The following THSD4 variants were observed in gnomAD, a reference collection of about 807,000 sequenced individuals.
THSD4 encodes thrombospondin type-1 domain-containing protein 4.
THSD4 carries 69 observed loss-of-function variants against 119.0 expected under a neutral mutation model. That is an observed-to-expected ratio of 0.58 (90% CI 0.48 to 0.71). THSD4 has a LOEUF of 0.71. THSD4 is among the 30% of genes least tolerant of loss of function. The probability of loss-of-function intolerance (pLI) is 0.00; values close to 1 mark genes in which losing one functional copy is unlikely to be tolerated. For missense variants in THSD4, 1,393 were observed against 1,391.1 expected (o/e 1.00, Z -0.02); for synonymous variants, 524 against 540.4 (o/e 0.97, Z 0.42).
intron 16 of THSD4, among the ~76,000 whole-genome samples, chr15:71,765,998 T>C (rs2053711430): frequency 6.6e-6 from 1 of 152,192 alleles, no homozygotes; most frequent in South Asian, 2.1e-4. Flanking sequence ...TTCTTTTTCC[T>C]ACTTTTATCT....
In THSD4 at chr15:71,642,984, G is replaced by A. The variant is rs560249431; in HGVS notation, c.1153-17546G>A. Among the ~76,000 whole-genome samples the A allele has an allele frequency of 1.7e-4, 26 of 152,206 alleles. 1 individual carries two copies. In the East Asian group the frequency reaches 5.0e-3, roughly 29 times the overall value. ...AAAAATAAAAAAGAGTCTAGGTTCT[G>A]GGACTGGAATGCCTGGGTTACATTC... On this transcript the variant is annotated intron_variant, in intron 7 of 17. Coordinates refer to ENST00000261862, the MANE Select transcript of THSD4 (RefSeq NM_024817.3).
At chr15:71,762,484 A>T (rs1407617822) in intron 15 of THSD4, among the ~76,000 whole-genome samples, 2 of 152,222 alleles carry the variant, frequency 1.3e-5, no homozygotes, top group African/African-American at 2.4e-5. Context: ...GACCTGGGAA[A>T]GTGCAACGTC....
chr15:71,600,486 C>G (rs4286066), intron 7 of THSD4, among the ~76,000 whole-genome samples: 18,607 of 152,184 alleles, frequency 0.12, 1,288 homozygotes, highest in African/African-American at 0.19. Context: ...TGGTATAATG[C>G]CTTACACATA....
At chr15:71,168,626 T>C (rs1410532245) in intron 3 of THSD4, among the ~76,000 whole-genome samples, 1 of 152,162 alleles carries the variant, frequency 6.6e-6, no homozygotes. Context: ...GGTAAAATAT[T>C]TGTGTTGCTA....
At chr15:71,487,929 T>C (rs1171201366) in intron 7 of THSD4, among the ~76,000 whole-genome samples, 1 of 152,176 alleles carries the variant, frequency 6.6e-6, no homozygotes. Flanking sequence ...CTTTGGGTGT[T>C]TGATGTATGT....
chr15:71,376,069 C>T (rs992811237), intron 6 of THSD4, among the ~76,000 whole-genome samples: 1 of 152,124 alleles, frequency 6.6e-6, no homozygotes, highest in Non-Finnish European at 1.5e-5. Context: ...TGATTAATGG[C>T]GAGAGTTCTT....
At chr15:71,394,817 C>T (rs748000536) in intron 6 of THSD4, among the ~76,000 whole-genome samples, 3 of 152,142 alleles carry the variant, frequency 2.0e-5, no homozygotes, top group Non-Finnish European at 4.4e-5. Flanking sequence ...GGCGTTTATA[C>T]AGTTGCTTGC....
intron 7 of THSD4, among the ~76,000 whole-genome samples, chr15:71,438,042 A>G (rs572754600): frequency 2.5e-4 from 38 of 152,104 alleles, no homozygotes; most frequent in Non-Finnish European, 4.9e-4. Flanking sequence ...TTAAGGAGGC[A>G]TTTACTAAGT....
chr15:71,561,863 A>AAC (rs71154780), intron 7 of THSD4, among the ~76,000 whole-genome samples: 1,873 of 130,338 alleles, frequency 0.014, 15 homozygotes, highest in African/African-American at 0.018. Context: ...TTTTAAAATA[A>AAC]ACACACACAC....
At chr15:71,481,693 A>AAAAAG (rs10624716) in intron 7 of THSD4, among the ~76,000 whole-genome samples, 2 of 152,092 alleles carry the variant, frequency 1.3e-5, no homozygotes, top group Non-Finnish European at 2.9e-5. Context: ...AATAAGAAAA[A>AAAAAG]GAAGGACAAG....
At chr15:71,694,419 T>C (rs1169755618) in intron 8 of THSD4, among the ~76,000 whole-genome samples, 1 of 152,252 alleles carries the variant, frequency 6.6e-6, no homozygotes, top group Non-Finnish European at 1.5e-5. Context: ...TGGGTCAACA[T>C]ATTTTCTTTT....
chr15:71,143,600 C>T (rs1411311411), intron 2 of THSD4, among the ~76,000 whole-genome samples: 30 of 152,054 alleles, frequency 2.0e-4, no homozygotes, highest in Admixed American at 2.0e-3. Context: ...AAAAATGTGG[C>T]CACCCAGGCT....
chr15:71,437,640 C>G (rs12902105), intron 7 of THSD4, among the ~76,000 whole-genome samples: 52,825 of 152,090 alleles, frequency 0.35, 9,343 homozygotes, highest in Middle Eastern at 0.47. Context: ...GCTATATTTT[C>G]GGGTATTGGT....
At chr15:71,444,106 C>G (rs907311457) in intron 7 of THSD4, among the ~76,000 whole-genome samples, 4 of 152,194 alleles carry the variant, frequency 2.6e-5, no homozygotes, top group African/African-American at 9.7e-5. Context: ...TGTTATAACA[C>G]CTTCCCTGTT....
At chr15:71,328,985 A>G (rs1376254594) in intron 6 of THSD4, among the ~76,000 whole-genome samples, 1 of 152,178 alleles carries the variant, frequency 6.6e-6, no homozygotes, top group Non-Finnish European at 1.5e-5. Context: ...TGATGGTTCT[A>G]GTACTACAAG....
At chr15:71,438,805 G>T (rs1257645488) in intron 7 of THSD4, among the ~76,000 whole-genome samples, 2 of 152,196 alleles carry the variant, frequency 1.3e-5, no homozygotes, top group Non-Finnish European at 2.9e-5. Context: ...TTTGCTCGGG[G>T]CTAATGCATT....
chr15:71,589,465 C>T (rs1189163677), intron 7 of THSD4, among the ~76,000 whole-genome samples: 1 of 138,282 alleles, frequency 7.2e-6, no homozygotes, highest in African/African-American at 2.5e-5. Flanking sequence ...AAGGGATCCT[C>T]CCACTTCAGC....
At chr15:71,281,857 A>G (rs1401610874) in intron 6 of THSD4, among the ~76,000 whole-genome samples, 3 of 152,220 alleles carry the variant, frequency 2.0e-5, no homozygotes, top group African/African-American at 7.2e-5. Context: ...ACTGATAAAA[A>G]ATGTTCCTAT....
At chr15:71,390,037 T>A (rs1348706481) in intron 6 of THSD4, among the ~76,000 whole-genome samples, 1 of 152,036 alleles carries the variant, frequency 6.6e-6, no homozygotes, top group Non-Finnish European at 1.5e-5. Context: ...ACTCCTGACT[T>A]TGTGATCCGC....
Sources: allele counts gnomAD v4.1 joint callset (sites outside exome capture counted in the v4.1 genomes callset), GRCh38; gene constraint gnomAD v4.1.1; transcripts MANE v1.5; gene names NCBI Gene and HGNC (gene_info 2026-07-23, HGNC 2026-07-21).